The following NPIPB11 variants were observed in gnomAD, a reference collection of about 807,000 sequenced individuals.
The protein encoded by NPIPB11 is nuclear pore complex interacting protein family member B11, also known as nuclear pore complex-interacting protein family member B11.
In NPIPB11, 17 loss-of-function variants were observed where a neutral mutation model predicts 32.8. That is an observed-to-expected ratio of 0.52 (90% CI 0.35 to 0.78). NPIPB11 has a LOEUF of 0.78. NPIPB11 is among the 30% of genes least tolerant of loss of function. The probability of loss-of-function intolerance (pLI) is 0.01; values close to 1 mark genes in which losing one functional copy is unlikely to be tolerated. For synonymous variants in NPIPB11, 209 were observed against 398.4 expected (o/e 0.52, Z 5.66); for missense variants, 537 against 1,000.4 (o/e 0.54, Z 6.25).
chr16:29,389,117 C>T (rs1010510005), intron 5 of NPIPB11, among the ~76,000 whole-genome samples: 2 of 150,696 alleles, frequency 1.3e-5, no homozygotes, highest in African/African-American at 4.9e-5. Context: ...ATCGCTTGAA[C>T]CTGGGAGGTG....
chr16:29,395,118 G>T (rs1963821298), intron 2 of NPIPB11, among the ~76,000 whole-genome samples: 1 of 120,492 alleles, frequency 8.3e-6, no homozygotes, highest in Non-Finnish European at 1.7e-5. Flanking sequence ...TGGGCCACAT[G>T]CAGCCCGTCA....
chr16:29,381,858 G>A (rs1463080246), exon 8 of NPIPB11: 1 of 754,314 alleles, frequency 1.3e-6, no homozygotes, highest in South Asian at 1.5e-5. Flanking sequence ...CTCGGAAGGT[G>A]TCTTGAGATT....
In NPIPB11 at chr16:29,402,724, C is replaced by CTCTCTCTCTGTGTGTGTG. The variant is rs1449821025; in HGVS notation, c.120+958_120+959insCACACACACAGAGAGAGA. ...TCTCTCTCTCTCTCTCTCTCTCTCT[C>CTCTCTCTCTGTGTGTGTG]TGTGTGTGTGTGTGTGTGTGTGTGT... On this transcript the variant is annotated intron_variant, in intron 2 of 7. Transcript: ENST00000524087. Among the ~76,000 whole-genome samples, 84 of 119,668 alleles carry CTCTCTCTCTGTGTGTGTG rather than the reference C, an allele frequency of 7.0e-4. 1 individual carries two copies. The highest frequency in any genetic ancestry group is 4.3e-3 in the Admixed American group (48 of 11,246). 78.5% of individuals were successfully genotyped at this position (119,668 alleles called of 152,430 possible).
At chr16:29,403,079 A>ATTT (rs552934163) in intron 2 of NPIPB11, among the ~76,000 whole-genome samples, 2 of 134,238 alleles carry the variant, frequency 1.5e-5, no homozygotes, top group African/African-American at 2.7e-5. Context: ...TTGCAGGATA[A>ATTT]TTTTTTTTTT....
chr16:29,390,961 C>CAAAAA (rs1173802573), intron 3 of NPIPB11, among the ~76,000 whole-genome samples: 38 of 84,550 alleles, frequency 4.5e-4, no homozygotes, highest in African/African-American at 1.7e-3. Context: ...GAAACTGTCT[C>CAAAAA]AAAAAAAAAA....
intron 5 of NPIPB11, among the ~76,000 whole-genome samples, chr16:29,389,211 A>G (rs1262569844): frequency 3.6e-5 from 4 of 110,616 alleles, no homozygotes; most frequent in African/African-American, 1.2e-4. Context: ...AAAAAAAAAA[A>G]AAAATTGGTC....
intron 3 of NPIPB11, among the ~76,000 whole-genome samples, chr16:29,390,905 G>A (rs1302263956): frequency 1.3e-5 from 2 of 148,928 alleles, no homozygotes; most frequent in Non-Finnish European, 3.0e-5. Flanking sequence ...AAAGGTTGTG[G>A]TGAGCTGAGA....
chr16:29,404,719 G>A (rs570718849), upstream of NPIPB11, among the ~76,000 whole-genome samples: 252 of 150,950 alleles, frequency 1.7e-3, no homozygotes, highest in Non-Finnish European at 3.1e-3. Flanking sequence ...TTTCCTCCTC[G>A]CATCCCCACA....
intron 2 of NPIPB11, among the ~76,000 whole-genome samples, chr16:29,399,738 A>G (rs1963944295): frequency 6.6e-6 from 1 of 151,700 alleles, no homozygotes; most frequent in Non-Finnish European, 1.5e-5. Context: ...AACAGGGTTA[A>G]CAAAACTATG....
chr16:29,381,965 G>A, exon 8 of NPIPB11: 1 of 1,022,284 alleles, frequency 9.8e-7, no homozygotes, highest in South Asian at 1.3e-5. Flanking sequence ...GAAGGGGAGT[G>A]AGCTGACGCT....
In NPIPB11 at chr16:29,394,688, T is replaced by A. The variant is rs548057272; in HGVS notation, c.121-612A>T. Among the ~76,000 whole-genome samples the A allele has an allele frequency of 2.6e-5, 4 of 152,250 alleles. No individual in the cohort carries two copies. In the East Asian group the frequency reaches 7.7e-4, roughly 29 times the overall value. ...GACAGGCGATCTGCCTGCCTCAGCC[T>A]CCCAAAGTGCTGGGATTACAGGTGT... On this transcript the variant is annotated intron_variant, in intron 2 of 7. Transcript: ENST00000524087.
chr16:29,382,097 A>T, exon 8 of NPIPB11: 1 of 455,498 alleles, frequency 2.2e-6, no homozygotes, highest in South Asian at 2.2e-5. Context: ...GAGTGAGCTG[A>T]CGTTTGGAAG....
At position 29,402,724 on chromosome 16, in the gene NPIPB11, C is replaced by CTGTGTGTGTGTGTG. The variant is rs71214272; in HGVS notation, c.120+945_120+958dup. Among the ~76,000 whole-genome samples the CTGTGTGTGTGTGTG allele has an allele frequency of 7.7e-4, 92 of 119,660 alleles. 2 individuals carry two copies. Among genetic ancestry groups the CTGTGTGTGTGTGTG allele is most frequent in the South Asian group, 6.4e-3 (19 of 2,950 alleles). 78.5% of individuals were successfully genotyped at this position (119,660 alleles called of 152,430 possible). A position where few individuals can be genotyped will look rare whatever the true frequency, so the allele number is the denominator to read the frequency against. ...TCTCTCTCTCTCTCTCTCTCTCTCTCTGTGTGTGTGTGTGTGTGTGTGTGT... is the reference window on the plus strand; with the variant it reads ...TCTCTCTCTCTCTCTCTCTCTCTCTCTGTGTGTGTGTGTGTGTGTGTGTGTGTGTGTGTGTGTGT... On this transcript the variant is annotated intron_variant, in intron 2 of 7. Coordinates refer to ENST00000524087, the Ensembl canonical transcript of NPIPB11.
upstream of NPIPB11, among the ~76,000 whole-genome samples, chr16:29,404,242 AT>A (rs1429493102): frequency 1.3e-5 from 1 of 78,892 alleles, no homozygotes; most frequent in Non-Finnish European, 2.4e-5. Context: ...TATATTACTA[AT>A]TATAACCCTA....
chr16:29,394,460 C>T (rs1470922338), intron 2 of NPIPB11, among the ~76,000 whole-genome samples: 10 of 149,702 alleles, frequency 6.7e-5, no homozygotes, highest in Non-Finnish European at 8.9e-5. Context: ...GACAGAGTTC[C>T]GCTCCACTCA....
chr16:29,382,276 A>G (rs776008110), exon 8 of NPIPB11: 1 of 1,600,914 alleles, frequency 6.2e-7, no homozygotes, highest in Non-Finnish European at 8.5e-7. Context: ...AGCGGAACCC[A>G]CAGACGCTCC....
chr16:29,390,820 A>G (rs1963700972), intron 3 of NPIPB11, among the ~76,000 whole-genome samples: 1 of 151,592 alleles, frequency 6.6e-6, no homozygotes, highest in Non-Finnish European at 1.5e-5. Context: ...AAAATTAGCC[A>G]GGCATGGTGG....
chr16:29,390,228 C>G (rs768398924), intron 4 of NPIPB11, 21 bp downstream of exon 4: 16 of 1,586,396 alleles, frequency 1.0e-5, no homozygotes, highest in Middle Eastern at 2.3e-4. Context: ...CCACACTATG[C>G]GGATTCCAAC....
upstream of NPIPB11, among the ~76,000 whole-genome samples, chr16:29,405,165 G>A (rs952236868): frequency 5.3e-5 from 8 of 152,156 alleles, no homozygotes; most frequent in Non-Finnish European, 8.8e-5. Flanking sequence ...TGCAAATGTT[G>A]CATCATATTT....
Sources: gnomAD v4.1 joint callset for allele counts (sites outside exome capture counted in the v4.1 genomes callset) on GRCh38, gnomAD v4.1.1 for gene constraint, MANE v1.5 for transcripts, NCBI Gene and HGNC (gene_info 2026-07-23, HGNC 2026-07-21) for gene names.